Variants in SEC24D observed in about 807,000 individuals in gnomAD.
SEC24D encodes SEC24 homolog D, COPII component, also known as protein transport protein Sec24D.
In SEC24D, 69 loss-of-function variants were observed where a neutral mutation model predicts 116.9. That is an observed-to-expected ratio of 0.59 (90% CI 0.49 to 0.72). The LOEUF (loss-of-function observed/expected upper bound fraction) is 0.72, where lower values mean the gene tolerates loss of function less well. Among genes scored for constraint, SEC24D ranks in the 30% least tolerant of loss-of-function variants. SEC24D has a pLI of 0.00. For synonymous variants in SEC24D, 405 were observed against 442.8 expected, an observed-to-expected ratio of 0.91 and a Z score of 1.07; for missense variants, 1,131 against 1,264.1, an observed-to-expected ratio of 0.89 and a Z score of 1.60.
chr4:118,782,695 C>T (rs1365235853), intron 8 of SEC24D, among the ~76,000 whole-genome samples: 1 of 152,232 alleles, frequency 6.6e-6, no homozygotes, highest in Non-Finnish European at 1.5e-5. Flanking sequence ...CAGCTATGCC[C>T]TGGACCCAGA....
chr4:118,811,303 C>T (rs115202072), intron 6 of SEC24D, among the ~76,000 whole-genome samples: 6,645 of 152,092 alleles, frequency 0.044, 195 homozygotes, highest in Non-Finnish European at 0.064. Flanking sequence ...TATATTCTGA[C>T]GAGAATGATC....
chr4:118,823,159 A>T (rs923050323), intron 3 of SEC24D, among the ~76,000 whole-genome samples: 1 of 151,688 alleles, frequency 6.6e-6, no homozygotes, highest in East Asian at 1.9e-4. Context: ...CCTTTCTATC[A>T]CTCTTTTGAG....
In SEC24D at chr4:118,744,033, A is replaced by T. The variant is rs1578390675; in HGVS notation, c.1950T>A (p.Val650=). The T allele has an allele frequency of 6.2e-7, 1 of 1,612,996 alleles. No individual in the cohort carries two copies. The highest frequency in any genetic ancestry group is 8.5e-7 in the Non-Finnish European group (1 of 1,179,496). ...AAAGGGTTCCTCCAGTGAGCTGAGG[A>T]ACCAGCCCCAGCGAGGCCACGTCCA... is the stretch of plus-strand genomic sequence containing the variant. ...QYVDVASLGL[V]PQLTGGTLYK... is the part of the protein sequence containing the mutation. Residue 650 remains valine (V), a synonymous_variant, in exon 15 of 23, where the codon GTT becomes GTA. Transcript: ENST00000280551.
At chr4:118,805,459 T>C (rs938569513) in intron 7 of SEC24D, among the ~76,000 whole-genome samples, 8 of 152,230 alleles carry the variant, frequency 5.3e-5, no homozygotes, top group Non-Finnish European at 1.2e-4. Flanking sequence ...TTAGAAAATA[T>C]TGTTGGGGCT....
intron 6 of SEC24D, among the ~76,000 whole-genome samples, chr4:118,809,405 C>A (rs950469961): frequency 6.6e-6 from 1 of 152,164 alleles, no homozygotes; most frequent in East Asian, 1.9e-4. Context: ...ATAATAAGCA[C>A]CTCGCTCAGG....
In SEC24D at chr4:118,815,661, G is replaced by C. The variant is rs978262909; in HGVS notation, c.463C>G (p.Pro155Ala). 6.2e-7 allele frequency: 1 copy of C among 1,614,112 alleles called. No individual in the cohort carries two copies. Among genetic ancestry groups the C allele is most frequent in the South Asian group, 1.1e-5 (1 of 91,070 alleles). ...ATGGAAGGCTGTGGAGGTCGTGGAG[G>C]AGTCTGCAATGATGTGGCTGACAGA... The part of the protein sequence containing the change: ...GPLSATSLQT[P>A]PRPPQPSILQ... The change falls in exon 5 of 23, where the codon CCT (proline) becomes GCT (alanine). Residue 155 changes from proline (P) to alanine (A), a missense_variant. By Grantham distance (27) the Pro-to-Ala change is conservative (BLOSUM62 -1). Coordinates refer to ENST00000280551, the MANE Select transcript of SEC24D (RefSeq NM_014822.4).
chr4:118,730,754 G>C (rs904601390), intron 21 of SEC24D: 2 of 152,312 alleles, frequency 1.3e-5, no homozygotes, highest in African/African-American at 2.4e-5. Context: ...TGTTGTTATT[G>C]CAACAGAGGG....
intron 2 of SEC24D, among the ~76,000 whole-genome samples, chr4:118,826,606 CT>C (rs199828904): frequency 2.2e-4 from 33 of 146,886 alleles, no homozygotes; most frequent in South Asian, 4.3e-4. Flanking sequence ...CGAAAATATT[CT>C]TTTTTTTTTG....
chr4:118,779,012 T>C (rs1318126925), intron 8 of SEC24D, among the ~76,000 whole-genome samples: 1 of 152,212 alleles, frequency 6.6e-6, no homozygotes, highest in Non-Finnish European at 1.5e-5. Flanking sequence ...GCTGAAATGA[T>C]AGAGTTTTCT....
intron 3 of SEC24D, among the ~76,000 whole-genome samples, chr4:118,821,944 G>C (rs1053477524): frequency 1.3e-5 from 2 of 152,198 alleles, no homozygotes; most frequent in Non-Finnish European, 2.9e-5. Flanking sequence ...GTTGTAGCAA[G>C]TGAACAGTAG....
In SEC24D at chr4:118,723,666, A is replaced by AC. The variant is rs756609962; in HGVS notation, c.2959-12_2959-11insG. On this transcript the variant is annotated splice_polypyrimidine_tract_variant and intron_variant, in intron 22 of 22. Coordinates refer to ENST00000280551, the MANE Select transcript of SEC24D (RefSeq NM_014822.4). ...CTTTACAATTGTGAGCTAGGAAAAA[A>AC]AAAACAAAACAGTAACAGCCCCTGG... 1.1e-5 allele frequency: 17 copies of AC among 1,594,296 alleles called. No homozygotes were observed. Among genetic ancestry groups the AC allele is most frequent in the Non-Finnish European group, 1.4e-5 (17 of 1,174,766 alleles).
At chr4:118,829,875 T>C (rs751913995) in intron 2 of SEC24D, among the ~76,000 whole-genome samples, 4 of 150,716 alleles carry the variant, frequency 2.7e-5, no homozygotes, top group Non-Finnish European at 4.4e-5. Context: ...TAAGCATAAA[T>C]GGAGATACGA....
At chr4:118,734,787 T>C (rs1465669065) in intron 19 of SEC24D, among the ~76,000 whole-genome samples, 1 of 152,214 alleles carries the variant, frequency 6.6e-6, no homozygotes, top group Non-Finnish European at 1.5e-5. Flanking sequence ...ATATGTTTAT[T>C]CATAAGAGTA....
chr4:118,767,455 T>A lies in SEC24D; in HGVS notation c.1180+718A>T, dbSNP rs540618867. On this transcript the variant is annotated intron_variant, in intron 9 of 22. Transcript: ENST00000280551. ...AAGAAACAGAGAAGAAAACTCATAC[T>A]CTAGTAATCATCACATGGTTCAAAA... Among the ~76,000 whole-genome samples the A allele has an allele frequency of 2.0e-5, 3 of 152,330 alleles. No homozygotes were observed. The East Asian group carries it at 5.8e-4, about 29-fold the overall frequency.
At chr4:118,801,852 A>T (rs752995685) in intron 7 of SEC24D, among the ~76,000 whole-genome samples, 9 of 152,236 alleles carry the variant, frequency 5.9e-5, no homozygotes, top group Non-Finnish European at 8.8e-5. Flanking sequence ...GTGGGGCATA[A>T]AAGGTCTGGC....
chr4:118,810,375 T>G (rs1238680567), intron 6 of SEC24D, among the ~76,000 whole-genome samples: 1 of 151,906 alleles, frequency 6.6e-6, no homozygotes, highest in Non-Finnish European at 1.5e-5. Context: ...ATAGACAAGG[T>G]AGGACCAAGA....
chr4:118,819,402 G>A lies in SEC24D; in HGVS notation c.249-1990C>T, dbSNP rs571708434. On this transcript the variant is annotated intron_variant, in intron 3 of 22. Transcript: ENST00000280551. ...AAAAATTAGCCGGGCGTGGTGGTGGGCGCCTGTAGTCCCAGCTACTTGGGA... is the reference window on the plus strand; with the variant it reads ...AAAAATTAGCCGGGCGTGGTGGTGGACGCCTGTAGTCCCAGCTACTTGGGA... Among the ~76,000 whole-genome samples the A allele has an allele frequency of 9.8e-4, 149 of 151,664 alleles. 1 individual carries two copies. The highest frequency in any genetic ancestry group is 3.3e-3 in the African/African-American group (137 of 41,338).
chr4:118,751,416 G>T (rs1024548024), intron 13 of SEC24D, among the ~76,000 whole-genome samples: 1 of 152,096 alleles, frequency 6.6e-6, no homozygotes, highest in Non-Finnish European at 1.5e-5. Context: ...AATTTCAGGT[G>T]GTCTGCCTGC....
chr4:118,748,219 T>C (rs987206068), intron 13 of SEC24D, among the ~76,000 whole-genome samples: 2 of 151,860 alleles, frequency 1.3e-5, no homozygotes, highest in Admixed American at 1.3e-4. Context: ...TGAGCCGAGA[T>C]CATGCCACTG....
Sources: gnomAD v4.1 joint callset for allele counts (sites outside exome capture counted in the v4.1 genomes callset) on GRCh38, gnomAD v4.1.1 for gene constraint, MANE v1.5 for transcripts, NCBI Gene and HGNC (gene_info 2026-07-23, HGNC 2026-07-21) for gene names.